Variants in PTPRG observed in about 807,000 individuals in gnomAD.
PTPRG encodes the protein protein tyrosine phosphatase receptor type G.
PTPRG carries 102 observed loss-of-function variants against 165.3 expected under a neutral mutation model. That is an observed-to-expected ratio of 0.62 (90% CI 0.53 to 0.73). The LOEUF is 0.73. Ranked by LOEUF, PTPRG falls within the 30% of genes least tolerant of loss-of-function variation. PTPRG has a pLI of 0.00. For missense variants in PTPRG, 1,866 were observed against 1,861.4 expected, an observed-to-expected ratio of 1.00 and a Z score of -0.05; for synonymous variants, 675 against 669.5, an observed-to-expected ratio of 1.01 and a Z score of -0.13.
intron 5 of PTPRG, among the ~76,000 whole-genome samples, chr3:62,125,398 G>T (rs1054480888): frequency 6.6e-6 from 1 of 152,136 alleles, no homozygotes; most frequent in African/African-American, 2.4e-5. Flanking sequence ...TAAATGGAGT[G>T]CCCCTGAGTA....
At chr3:62,207,772 G>A (rs1700265032) in intron 12 of PTPRG, among the ~76,000 whole-genome samples, 2 of 152,116 alleles carry the variant, frequency 1.3e-5, no homozygotes, top group Non-Finnish European at 2.9e-5. Context: ...AGAAGAAGAA[G>A]GGAATCCTTC....
At chr3:61,651,306 T>A (rs1274844321) in intron 1 of PTPRG, among the ~76,000 whole-genome samples, 6 of 152,170 alleles carry the variant, frequency 3.9e-5, no homozygotes. Flanking sequence ...ATCTTATCCC[T>A]TTGGATCTCT....
At chr3:62,063,459 G>C (rs1700889420) in intron 4 of PTPRG, among the ~76,000 whole-genome samples, 1 of 152,074 alleles carries the variant, frequency 6.6e-6, no homozygotes, top group South Asian at 2.1e-4. Context: ...CTGATTCTCT[G>C]GTGTCCTTCT....
At chr3:61,826,260 T>C (rs369285027) in intron 2 of PTPRG, among the ~76,000 whole-genome samples, 10 of 152,358 alleles carry the variant, frequency 6.6e-5, no homozygotes, top group African/African-American at 2.4e-4. Flanking sequence ...TAAAAGGGAC[T>C]CTTTCCCCTA....
chr3:61,756,968 C>T (rs764515394), intron 2 of PTPRG, among the ~76,000 whole-genome samples: 8 of 152,158 alleles, frequency 5.3e-5, no homozygotes, highest in Non-Finnish European at 8.8e-5. Context: ...TCATCCAGCA[C>T]TTCTGCTTCT....
intron 5 of PTPRG, among the ~76,000 whole-genome samples, chr3:62,131,734 C>T (rs77827007): frequency 0.011 from 1,736 of 152,186 alleles, 24 homozygotes; most frequent in Middle Eastern, 0.061. Flanking sequence ...CCATCCTATA[C>T]CCACCACCCA....
intron 1 of PTPRG, among the ~76,000 whole-genome samples, chr3:61,701,819 C>T (rs1348206116): frequency 6.6e-6 from 1 of 151,936 alleles, no homozygotes. Context: ...ATCAGTTGAG[C>T]CCCCAGGAGG....
At chr3:62,208,091 G>C (rs578071001) in intron 12 of PTPRG, among the ~76,000 whole-genome samples, 1 of 152,162 alleles carries the variant, frequency 6.6e-6, no homozygotes, top group Non-Finnish European at 1.5e-5. Flanking sequence ...TAGGAACCGC[G>C]GGTGGTCAAC....
At chr3:62,226,809 C>G (rs190608719) in intron 13 of PTPRG, among the ~76,000 whole-genome samples, 1 of 152,276 alleles carries the variant, frequency 6.6e-6, no homozygotes, top group Non-Finnish European at 1.5e-5. Flanking sequence ...TGTGGTAAAT[C>G]AGTCAACACC....
At chr3:61,746,208 A>ATTTTTTTTTTTTTTTTTT (rs750697053) in intron 1 of PTPRG, among the ~76,000 whole-genome samples, 1 of 81,326 alleles carries the variant, frequency 1.2e-5, no homozygotes, top group Non-Finnish European at 2.2e-5. Context: ...ACACACTCTA[A>ATTTTTTTTTTTTTTTTTT]TTTTTTTTTT....
chr3:61,829,603 C>A (rs1483919339), intron 2 of PTPRG, among the ~76,000 whole-genome samples: 1 of 152,240 alleles, frequency 6.6e-6, no homozygotes, highest in Non-Finnish European at 1.5e-5. Flanking sequence ...GATGCGACTA[C>A]AGTTTGGATG....
intron 8 of PTPRG, among the ~76,000 whole-genome samples, chr3:62,174,436 GT>G (rs1462488223): frequency 1.3e-5 from 2 of 152,132 alleles, no homozygotes; most frequent in Admixed American, 6.5e-5. Flanking sequence ...TTTGGTGAGT[GT>G]TTTTTGCCTC....
At chr3:61,863,364 T>C (rs1234108549) in intron 2 of PTPRG, among the ~76,000 whole-genome samples, 1 of 152,230 alleles carries the variant, frequency 6.6e-6, no homozygotes, top group Non-Finnish European at 1.5e-5. Flanking sequence ...TGCTCTAAAA[T>C]TACTTCAACT....
At chr3:62,166,194 G>GTTTT (rs1704969071) in intron 7 of PTPRG, among the ~76,000 whole-genome samples, 1 of 19,348 alleles carries the variant, frequency 5.2e-5, no homozygotes, top group African/African-American at 1.7e-4. Flanking sequence ...TCAAATTACA[G>GTTTT]TTCTTTTTTT....
chr3:61,594,380 C>CT (rs972440596), intron 1 of PTPRG, among the ~76,000 whole-genome samples: 1 of 151,944 alleles, frequency 6.6e-6, no homozygotes, highest in African/African-American at 2.4e-5. Flanking sequence ...TGTGAATTGA[C>CT]TTGGTGCCTG....
At chr3:61,906,050 G>A (rs766057138) in intron 2 of PTPRG, among the ~76,000 whole-genome samples, 7 of 152,086 alleles carry the variant, frequency 4.6e-5, no homozygotes, top group Middle Eastern at 6.8e-3. Flanking sequence ...GGTTTTTTTA[G>A]CTCTAAAAGT....
intron 1 of PTPRG, among the ~76,000 whole-genome samples, chr3:61,709,463 C>T (rs963849466): frequency 1.3e-5 from 2 of 152,076 alleles, no homozygotes; most frequent in African/African-American, 2.4e-5. Flanking sequence ...TACAGGCATG[C>T]ACCACCACAG....
chr3:61,846,665 C>A (rs1460253708), intron 2 of PTPRG, among the ~76,000 whole-genome samples: 1 of 152,088 alleles, frequency 6.6e-6, no homozygotes, highest in Non-Finnish European at 1.5e-5. Context: ...CTTGTAATCC[C>A]AGCACTTGGG....
intron 5 of PTPRG, among the ~76,000 whole-genome samples, chr3:62,130,927 C>T: frequency 6.8e-6 from 1 of 146,050 alleles, no homozygotes; most frequent in East Asian, 2.3e-4. Context: ...ACACTGGGTT[C>T]CTATTCACTG....
Sources: gnomAD v4.1 joint callset for allele counts (sites outside exome capture counted in the v4.1 genomes callset) on GRCh38, gnomAD v4.1.1 for gene constraint, MANE v1.5 for transcripts, NCBI Gene and HGNC (gene_info 2026-07-23, HGNC 2026-07-21) for gene names.